The following GULP1 variants were observed in gnomAD, a reference collection of about 807,000 sequenced individuals.
The protein encoded by GULP1 is GULP PTB domain containing engulfment adaptor 1, also known as PTB domain-containing engulfment adapter protein 1.
GULP1 carries 19 observed loss-of-function variants against 40.9 expected under a neutral mutation model. The observed-to-expected ratio is 0.46, with a 90% CI of 0.32 to 0.68. The LOEUF is 0.68. Among genes scored for constraint, GULP1 ranks in the 30% least tolerant of loss-of-function variants. The pLI is 0.03. For missense variants in GULP1, 312 were observed against 362.2 expected, an observed-to-expected ratio of 0.86 and a Z score of 1.12; for synonymous variants, 119 against 117.6, an observed-to-expected ratio of 1.01 and a Z score of -0.08.
At chr2:188,470,136 A>G (rs2060468440) in intron 2 of GULP1, among the ~76,000 whole-genome samples, 1 of 152,166 alleles carries the variant, frequency 6.6e-6, no homozygotes, top group Non-Finnish European at 1.5e-5. Context: ...TAGTATTGGT[A>G]TTAATTCTCT....
chr2:188,507,502 A>AAT (rs1364024994), intron 4 of GULP1, among the ~76,000 whole-genome samples: 3 of 151,334 alleles, frequency 2.0e-5, no homozygotes, highest in African/African-American at 7.3e-5. Context: ...AGATGGAATA[A>AAT]GTATCATGAC....
chr2:188,501,552 G>A (rs937503992), intron 4 of GULP1, among the ~76,000 whole-genome samples: 2 of 151,942 alleles, frequency 1.3e-5, no homozygotes, highest in African/African-American at 4.8e-5. Flanking sequence ...CATGATTTTA[G>A]AGTATGAGCT....
chr2:188,356,780 T>G (rs1192565746), intron 1 of GULP1, among the ~76,000 whole-genome samples: 1 of 152,042 alleles, frequency 6.6e-6, no homozygotes, highest in Non-Finnish European at 1.5e-5. Context: ...CTTCAAAATA[T>G]ACTACTAAGG....
In GULP1 at chr2:188,483,415, G is replaced by A. The variant is rs577612121; in HGVS notation, c.29-16G>A. On this transcript the variant is annotated splice_polypyrimidine_tract_variant and intron_variant, in intron 3 of 11. Coordinates refer to ENST00000409830, the MANE Select transcript of GULP1 (RefSeq NM_016315.4). Reference sequence around the variant, plus strand: ...ATGGAAACCTAAAATTTAACTCTGTGTATTTTTTATTGCAGACAAAACATG... The same window carrying A: ...ATGGAAACCTAAAATTTAACTCTGTATATTTTTTATTGCAGACAAAACATG... The A allele has an allele frequency of 8.0e-5, 113 of 1,406,408 alleles. 1 individual carries two copies. The South Asian group carries it at 1.4e-3, about 17-fold the overall frequency. 87.1% of individuals were successfully genotyped at this position (1,406,408 alleles called of 1,614,324 possible).
chr2:188,424,346 A>G (rs1051896392), intron 2 of GULP1, among the ~76,000 whole-genome samples: 39 of 152,050 alleles, frequency 2.6e-4, no homozygotes, highest in African/African-American at 9.1e-4. Flanking sequence ...AAGCAGGAAC[A>G]AAAGTACACA....
In GULP1 at chr2:188,451,246, A is replaced by C. The variant is rs150297537; in HGVS notation, c.-44-26413A>C. ...GACCAATGTTGGCATGATCAAAGAC[A>C]TTCACAAATGTTCACTTTTGTTGGA... is the stretch of plus-strand genomic sequence containing the variant. On this transcript the variant is annotated intron_variant, in intron 2 of 11. Transcript: ENST00000409830. Among the ~76,000 whole-genome samples the C allele has an allele frequency of 4.7e-3, 711 of 152,344 alleles. 6 individuals are homozygous for C. The highest frequency in any genetic ancestry group is 0.016 in the African/African-American group (662 of 41,582).
intron 10 of GULP1, among the ~76,000 whole-genome samples, chr2:188,585,109 G>C (rs1045629209): frequency 2.6e-5 from 4 of 152,182 alleles, no homozygotes; most frequent in Non-Finnish European, 5.9e-5. Flanking sequence ...CGGTGGGGCA[G>C]TCATTAAATC....
intron 1 of GULP1, among the ~76,000 whole-genome samples, chr2:188,333,608 T>G (rs973270701): frequency 6.6e-6 from 1 of 152,164 alleles, no homozygotes; most frequent in Non-Finnish European, 1.5e-5. Context: ...TAACTTCCAG[T>G]GTCTGTTAAA....
intron 1 of GULP1, among the ~76,000 whole-genome samples, chr2:188,327,048 C>G (rs2040852981): frequency 6.6e-6 from 1 of 152,130 alleles, no homozygotes. Flanking sequence ...GACTTAAAAA[C>G]CATATGGCCA....
intron 4 of GULP1, among the ~76,000 whole-genome samples, chr2:188,520,496 C>T (rs1026498713): frequency 2.0e-5 from 3 of 149,098 alleles, no homozygotes; most frequent in Non-Finnish European, 4.4e-5. Context: ...CACCACTGCA[C>T]TCCAGCCTGG....
intron 6 of GULP1, among the ~76,000 whole-genome samples, chr2:188,530,357 C>T (rs1035675135): frequency 3.9e-5 from 6 of 152,134 alleles, no homozygotes; most frequent in Non-Finnish European, 8.8e-5. Context: ...TAGGACCCTT[C>T]AAAGCAAATA....
Position 188,445,715 on chromosome 2 carries a change from A to G in GULP1, c.-44-31944A>G, listed in dbSNP as rs182939379. Among the ~76,000 whole-genome samples the G allele has an allele frequency of 1.5e-4, 23 of 152,298 alleles. 1 individual carries two copies. The highest frequency in any genetic ancestry group is 5.5e-4 in the African/African-American group (23 of 41,578). On this transcript the variant is annotated intron_variant, in intron 2 of 11. Coordinates refer to ENST00000409830, the MANE Select transcript of GULP1 (RefSeq NM_016315.4). ...GTCAGAGATTTTTGGGACATTTAGA[A>G]CAGTGTTGTTGGGCAGTGAAAAGGA...
In GULP1 at chr2:188,374,308, A is replaced by G. The variant is rs551711796; in HGVS notation, c.-171-9455A>G. Among the ~76,000 whole-genome samples, 54 of 152,284 alleles carry G rather than the reference A, an allele frequency of 3.5e-4. No individual in the cohort carries two copies. The South Asian group carries it at 6.2e-3, about 18-fold the overall frequency. On this transcript the variant is annotated intron_variant, in intron 1 of 11. Coordinates refer to ENST00000409830, the MANE Select transcript of GULP1 (RefSeq NM_016315.4). ...AAAAATTCAGTAAAATGCATAGTAT[A>G]CATTAGTAAATAATACATACATTCA...
At chr2:188,335,674 C>T (rs953229848) in intron 1 of GULP1, among the ~76,000 whole-genome samples, 3 of 152,022 alleles carry the variant, frequency 2.0e-5, no homozygotes, top group South Asian at 4.1e-4. Context: ...TAGGATTTGA[C>T]GCAAAAAAAT....
At chr2:188,480,211 T>C (rs1575515614) in intron 3 of GULP1, among the ~76,000 whole-genome samples, 1 of 152,104 alleles carries the variant, frequency 6.6e-6, no homozygotes, top group Non-Finnish European at 1.5e-5. Context: ...CTGGATAAGC[T>C]GGAGCCATAA....
At chr2:188,422,595 T>A (rs1246388834) in intron 2 of GULP1, among the ~76,000 whole-genome samples, 1 of 152,056 alleles carries the variant, frequency 6.6e-6, no homozygotes, top group Non-Finnish European at 1.5e-5. Flanking sequence ...TGATATGTTT[T>A]ATTTATTATG....
chr2:188,482,991 T>G (rs1211469585), intron 3 of GULP1, among the ~76,000 whole-genome samples: 2 of 151,860 alleles, frequency 1.3e-5, no homozygotes, highest in Non-Finnish European at 2.9e-5. Flanking sequence ...TTAGAATAAC[T>G]AAATCTTGAT....
intron 4 of GULP1, among the ~76,000 whole-genome samples, chr2:188,508,815 G>A (rs865979073): frequency 6.6e-6 from 1 of 151,916 alleles, no homozygotes; most frequent in African/African-American, 2.4e-5. Context: ...CACATCATTC[G>A]ACACCATTTG....
At chr2:188,562,661 A>G (rs1266759641) in intron 7 of GULP1, among the ~76,000 whole-genome samples, 1 of 152,174 alleles carries the variant, frequency 6.6e-6, no homozygotes, top group African/African-American at 2.4e-5. Flanking sequence ...TACCAAAAAA[A>G]ACCCCCAAAA....
Sources: gnomAD v4.1 joint callset for allele counts (sites outside exome capture counted in the v4.1 genomes callset) on GRCh38, gnomAD v4.1.1 for gene constraint, MANE v1.5 for transcripts, NCBI Gene and HGNC (gene_info 2026-07-23, HGNC 2026-07-21) for gene names.